Variants in SLC35F3 observed in about 807,000 individuals in gnomAD.
The protein encoded by SLC35F3 is putative thiamine transporter SLC35F3.
In SLC35F3, 25 loss-of-function variants were observed where a neutral mutation model predicts 49.9. The observed-to-expected ratio is 0.50, with a 90% CI of 0.37 to 0.70. SLC35F3 has a LOEUF of 0.70. Ranked by LOEUF, SLC35F3 falls within the 30% of genes least tolerant of loss-of-function variation. The pLI is 0.00. For missense variants in SLC35F3, 525 were observed against 639.8 expected (o/e 0.82, Z 1.94); for synonymous variants, 275 against 265.4 (o/e 1.04, Z -0.35).
At chr1:234,153,848 C>T (rs919650388) in intron 2 of SLC35F3, among the ~76,000 whole-genome samples, 2 of 151,434 alleles carry the variant, frequency 1.3e-5, no homozygotes, top group Non-Finnish European at 2.9e-5. Context: ...CTGAGGCGGG[C>T]GGATCACGAG....
chr1:234,317,042 C>T lies in SLC35F3; in HGVS notation c.954+315C>T, dbSNP rs919658519. Among the ~76,000 whole-genome samples the T allele has an allele frequency of 3.9e-5, 6 of 152,146 alleles. No individual in the cohort carries two copies. The East Asian group carries it at 7.7e-4, about 20-fold the overall frequency. On this transcript the variant is annotated intron_variant, in intron 5 of 7. Transcript: ENST00000366618. ...AGATTCCTGACATCATTGATGGCAGCGAACAAGTTCAGTGTTTGCTCAGAT... is the reference window on the plus strand; with the variant it reads ...AGATTCCTGACATCATTGATGGCAGTGAACAAGTTCAGTGTTTGCTCAGAT...
rs549027772 is a variant in SLC35F3, at chr1:234,037,014, A to G, written c.283+131256A>G. On this transcript the variant is annotated intron_variant, in intron 2 of 7. Coordinates refer to ENST00000366618, the MANE Select transcript of SLC35F3 (RefSeq NM_173508.4). Reference sequence around the variant, plus strand: ...AGTCTAAGGACTCATTAACTTCACAAATATTTATAGTAAGCCTACTCGATG... The same window carrying G: ...AGTCTAAGGACTCATTAACTTCACAGATATTTATAGTAAGCCTACTCGATG... Among the ~76,000 whole-genome samples the G allele has an allele frequency of 1.3e-3, 204 of 152,324 alleles. 2 individuals are homozygous for G. Among genetic ancestry groups the G allele is most frequent in the African/African-American group, 4.5e-3 (189 of 41,584 alleles).
intron 2 of SLC35F3, among the ~76,000 whole-genome samples, chr1:234,178,605 T>C (rs1313984511): frequency 6.6e-6 from 1 of 152,098 alleles, no homozygotes; most frequent in Non-Finnish European, 1.5e-5. Flanking sequence ...TTTGCTACCA[T>C]TCATGAACCC....
intron 3 of SLC35F3, among the ~76,000 whole-genome samples, chr1:234,273,320 T>G (rs1668139382): frequency 6.6e-6 from 1 of 152,238 alleles, no homozygotes; most frequent in African/African-American, 2.4e-5. Flanking sequence ...TTGACTTTCT[T>G]TATTGATGAC....
chr1:234,003,283 A>G (rs1407899668), intron 2 of SLC35F3, among the ~76,000 whole-genome samples: 1 of 152,206 alleles, frequency 6.6e-6, no homozygotes, highest in Non-Finnish European at 1.5e-5. Flanking sequence ...AACTGTCTCC[A>G]TATCAGGACC....
At chr1:234,097,257 A>G (rs1196544421) in intron 2 of SLC35F3, among the ~76,000 whole-genome samples, 1 of 152,180 alleles carries the variant, frequency 6.6e-6, no homozygotes, top group Non-Finnish European at 1.5e-5. Context: ...TTACACTCCC[A>G]CCAGCAGTGT....
intron 2 of SLC35F3, among the ~76,000 whole-genome samples, chr1:233,949,305 C>T (rs770010877): frequency 1.3e-5 from 2 of 152,162 alleles, no homozygotes; most frequent in African/African-American, 2.4e-5. Context: ...GCAAGTTAGC[C>T]AAGGCTCCTA....
intron 2 of SLC35F3, among the ~76,000 whole-genome samples, chr1:234,127,826 GT>G (rs1665672813): frequency 1.3e-5 from 2 of 152,208 alleles, no homozygotes; most frequent in Non-Finnish European, 2.9e-5. Context: ...AAGATTATGT[GT>G]TGCCTAGGAA....
At chr1:234,050,409 T>C (rs542516686) in intron 2 of SLC35F3, among the ~76,000 whole-genome samples, 2 of 152,368 alleles carry the variant, frequency 1.3e-5, no homozygotes, top group East Asian at 3.9e-4. Context: ...CATTTTTTCA[T>C]GTGTCTGTTG....
chr1:233,986,535 T>A (rs551975353), intron 2 of SLC35F3, among the ~76,000 whole-genome samples: 1 of 152,328 alleles, frequency 6.6e-6, no homozygotes, highest in Non-Finnish European at 1.5e-5. Flanking sequence ...TGTTATATAT[T>A]ATATACTATT....
Position 233,957,233 on chromosome 1 carries a change from A to G in SLC35F3, c.283+51475A>G, listed in dbSNP as rs892646101. ...TGTTTTATGTCAGATATGAAATTGG[A>G]TTTTTGAACTGGACTGAAATGTACT... On this transcript the variant is annotated intron_variant, in intron 2 of 7. Transcript: ENST00000366618. This position sits in a 1 kb window ranked among gnomAD's most constrained non-coding sequence, Gnocchi z 4.0. Among the ~76,000 whole-genome samples the G allele has an allele frequency of 2.0e-4, 30 of 152,128 alleles. No individual in the cohort carries two copies. The highest frequency in any genetic ancestry group is 7.2e-4 in the African/African-American group (30 of 41,416).
intron 2 of SLC35F3, among the ~76,000 whole-genome samples, chr1:234,062,571 G>T (rs1664557371): frequency 6.6e-6 from 1 of 152,168 alleles, no homozygotes; most frequent in Non-Finnish European, 1.5e-5. Flanking sequence ...GGTTTTGATT[G>T]TGCCCTTAGG....
intron 2 of SLC35F3, among the ~76,000 whole-genome samples, chr1:234,147,537 T>A (rs1347266320): frequency 6.6e-6 from 1 of 152,206 alleles, no homozygotes; most frequent in Admixed American, 6.5e-5. Context: ...ATTTATAGCA[T>A]GTGTACTCCT....
Position 234,214,598 on chromosome 1 carries a change from G to C in SLC35F3, c.284-16819G>C. The C allele has an allele frequency of 6.6e-7, 1 of 1,520,486 alleles. No individual in the cohort carries two copies. The highest frequency in any genetic ancestry group is 2.1e-5 in the Admixed American group (1 of 47,844). The allele number at this position is 1,520,486 out of a possible 1,614,324, so 94.2% of individuals were successfully genotyped here. A position where few individuals can be genotyped will look rare whatever the true frequency, so the allele number is the denominator to read the frequency against. On this transcript the variant is annotated intron_variant, in intron 2 of 7. Transcript: ENST00000366618. The surrounding 1 kb of genome is among the most constrained non-coding windows in gnomAD (Gnocchi z 8.0). Reference sequence around the variant, plus strand: ...AGGTAATGCGCGGCCGCCTCGCCCCGGGGGTCCCTGCACCCTAGCCGGGGA... The same window carrying C: ...AGGTAATGCGCGGCCGCCTCGCCCCCGGGGTCCCTGCACCCTAGCCGGGGA...
At chr1:234,201,783 G>T (rs113958271) in intron 2 of SLC35F3, among the ~76,000 whole-genome samples, 7 of 152,134 alleles carry the variant, frequency 4.6e-5, no homozygotes, top group African/African-American at 1.7e-4. Flanking sequence ...TTTGCGTGTG[G>T]TTTTTTCCAT....
At chr1:233,988,171 G>T (rs1663295765) in intron 2 of SLC35F3, among the ~76,000 whole-genome samples, 1 of 152,138 alleles carries the variant, frequency 6.6e-6, no homozygotes, top group South Asian at 2.1e-4. Context: ...TCATTTCAGG[G>T]TCACGGTCTA....
At chr1:234,221,959 T>C (rs967672488) in intron 2 of SLC35F3, among the ~76,000 whole-genome samples, 1 of 152,204 alleles carries the variant, frequency 6.6e-6, no homozygotes, top group Non-Finnish European at 1.5e-5. Flanking sequence ...TTAGCTATAG[T>C]CAGAGAGCAG....
chr1:234,152,605 A>G (rs1035194635), intron 2 of SLC35F3, among the ~76,000 whole-genome samples: 2 of 152,118 alleles, frequency 1.3e-5, no homozygotes, highest in Admixed American at 6.5e-5. Flanking sequence ...TATATGCCAC[A>G]TTTTCTTTAT....
In SLC35F3 at chr1:233,916,203, TTTTAC is replaced by T. The variant is rs1255081643; in HGVS notation, c.283+10450_283+10454del. Among the ~76,000 whole-genome samples, 7 of 152,252 alleles carry T rather than the reference TTTTAC, an allele frequency of 4.6e-5. No individual in the cohort carries two copies. In the East Asian group the frequency reaches 1.3e-3, roughly 29 times the overall value. On this transcript the variant is annotated intron_variant, in intron 2 of 7. Transcript: ENST00000366618. ...TAATTTCAAAGGTTTATTCAAACAC[TTTTAC>T]TTTAAGTCGACATTTTGTTTTATTA...
Sources: gnomAD v4.1 joint callset for allele counts (sites outside exome capture counted in the v4.1 genomes callset) on GRCh38, gnomAD v4.1.1 for gene constraint, Gnocchi (gnomAD v3.1) non-coding constraint, MANE v1.5 for transcripts, NCBI Gene and HGNC (gene_info 2026-07-23, HGNC 2026-07-21) for gene names.